IQGAP1: variants seen among roughly 807,000 people sequenced by gnomAD.
IQGAP1 encodes the protein ras GTPase-activating-like protein IQGAP1.
Under a neutral mutation model 215.6 loss-of-function variants are expected in IQGAP1, and 66 were observed. That is an observed-to-expected ratio of 0.31 (90% CI 0.25 to 0.38). IQGAP1 has a LOEUF of 0.38. IQGAP1 is among the 10% of genes least tolerant of loss of function. The pLI is 1.00. For missense variants in IQGAP1, 1,712 were observed against 1,997.1 expected, an observed-to-expected ratio of 0.86 and a Z score of 2.72; for synonymous variants, 772 against 728.7, an observed-to-expected ratio of 1.06 and a Z score of -0.96.
chr15:90,473,643 A>G (rs980271607), intron 19 of IQGAP1, 72 bp from the exon 20 acceptor site: 1 of 1,111,408 alleles, frequency 9.0e-7, no homozygotes. Context: ...ATGTATCAAG[A>G]TGAAAGTTTT....
rs111652842 is a variant in IQGAP1 at position 90,477,893 on chromosome 15, T to C, written c.3329+4T>C. 2.6e-5 allele frequency: 40 copies of C among 1,564,176 alleles called. 2 individuals carry two copies. The highest frequency in any genetic ancestry group is 2.2e-4 in the African/African-American group (16 of 73,968). On this transcript the variant is annotated splice_donor_region_variant and intron_variant, in intron 26 of 37. Coordinates refer to ENST00000268182, the MANE Select transcript of IQGAP1 (RefSeq NM_003870.4). ...AGTCTCAGACAGGAGAGGCAAGGTA[T>C]GTTAACCATAATGACACTTTTCTTT...
intron 15 of IQGAP1, among the ~76,000 whole-genome samples, chr15:90,462,146 C>T (rs929585411): frequency 2.0e-5 from 3 of 152,014 alleles, no homozygotes; most frequent in Non-Finnish European, 4.4e-5. Flanking sequence ...CCAGTCTGGG[C>T]GACAGAGCGA....
At chr15:90,433,128 G>C (rs1452872606) in intron 4 of IQGAP1, among the ~76,000 whole-genome samples, 2 of 152,188 alleles carry the variant, frequency 1.3e-5, no homozygotes, top group Non-Finnish European at 2.9e-5. Context: ...CCGTGGAAAA[G>C]TACTTGTCTT....
At chr15:90,495,637 TTCTTTTTCTTCTTC>T (rs1966261464) in intron 36 of IQGAP1, among the ~76,000 whole-genome samples, 1 of 147,028 alleles carries the variant, frequency 6.8e-6, no homozygotes, top group African/African-American at 2.5e-5. Flanking sequence ...TTTCTTCTTC[TTCTTTTTCTTCTTC>T]TTTTTTTTTT....
intron 7 of IQGAP1, 128 bp downstream of exon 7, chr15:90,440,743 A>T (rs1043640207): frequency 3.1e-5 from 19 of 620,708 alleles, no homozygotes; most frequent in Non-Finnish European, 5.5e-5. Flanking sequence ...ATGTAGTTGT[A>T]AACACATAGT....
intron 2 of IQGAP1, among the ~76,000 whole-genome samples, chr15:90,407,516 A>G (rs1445053289): frequency 6.6e-6 from 1 of 152,216 alleles, no homozygotes; most frequent in Non-Finnish European, 1.5e-5. Flanking sequence ...ATATAACAAT[A>G]AGAAATTTCC....
chr15:90,492,409 A>G, intron 34 of IQGAP1, 136 bp from the exon 35 acceptor site: 2 of 651,424 alleles, frequency 3.1e-6, no homozygotes, highest in Non-Finnish European at 2.4e-6. Flanking sequence ...AGCCTGGGCA[A>G]CAGAGTGTCT....
intron 5 of IQGAP1, among the ~76,000 whole-genome samples, chr15:90,435,078 G>T (rs73476901): frequency 0.019 from 2,933 of 152,272 alleles, 75 homozygotes; most frequent in African/African-American, 0.067. Context: ...GAGCAAACAT[G>T]TACTAGATCT....
At position 90,428,792 on chromosome 15, in the gene IQGAP1, G is replaced by GA. The variant is rs1965262454; in HGVS notation, c.313-797_313-796insA. ...AGCCTGGACAACAAAGTGGAGCCCT[G>GA]TTTCAAAAAAAAGCAGACATTGAAG... On this transcript the variant is annotated intron_variant, in intron 3 of 37. Transcript: ENST00000268182. Among the ~76,000 whole-genome samples, 5 of 152,064 alleles carry GA rather than the reference G, an allele frequency of 3.3e-5. No homozygotes were observed. The South Asian group carries it at 1.0e-3, about 32-fold the overall frequency.
intron 2 of IQGAP1, among the ~76,000 whole-genome samples, chr15:90,392,371 A>T (rs1459411640): frequency 1.3e-5 from 2 of 152,232 alleles, no homozygotes; most frequent in South Asian, 4.1e-4. Flanking sequence ...AAAAACTGTA[A>T]GATCTCTGCC....
chr15:90,476,600 C>T, intron 23 of IQGAP1, 63 bp from the exon 24 acceptor site: 1 of 1,319,804 alleles, frequency 7.6e-7, no homozygotes, highest in Non-Finnish European at 1.0e-6. Flanking sequence ...CAAAACCTTT[C>T]CTCAATGCCC....
In IQGAP1 at chr15:90,452,433, A is replaced by C. The variant is rs141699293; in HGVS notation, c.1163-342A>C. Among the ~76,000 whole-genome samples the C allele has an allele frequency of 5.9e-3, 894 of 152,318 alleles. 4 individuals are homozygous for C. The highest frequency in any genetic ancestry group is 9.5e-3 in the Non-Finnish European group (643 of 68,012). ...GGTGGAAAGATTGTAGAAAGCTTTG[A>C]ATGGTAGCTTAAGAAGCCAGGCAGT... On this transcript the variant is annotated intron_variant, in intron 11 of 37. Transcript: ENST00000268182.
In IQGAP1 at chr15:90,484,271, T is replaced by A; in HGVS notation, c.3840T>A (p.Asn1280Lys). ...TCCCAGAGCTTCAGGATAAATTTAA[T>A]GTGGATGAGTACTCTGATTTAGTAA... is the stretch of plus-strand genomic sequence containing the variant. ...CDVPELQDKF[N>K]VDEYSDLVTL... The change falls in exon 30 of 38, where the codon AAT becomes AAA. Residue 1280 changes from asparagine (N) to lysine (K), a missense_variant. By Grantham distance (94) the Asn-to-Lys change is moderately conservative. This residue lies in a region of IQGAP1 where 691 missense variants were observed against 923.0 expected (regional missense o/e 0.75). Coordinates refer to ENST00000268182, the MANE Select transcript of IQGAP1 (RefSeq NM_003870.4). 6.2e-7 allele frequency: 1 copy of A among 1,613,712 alleles called. No individual in the cohort carries two copies.
Position 90,467,517 on chromosome 15 carries a change from G to A in IQGAP1, c.2103G>A (p.Glu701=). Residue 701 remains glutamate, a synonymous_variant, in exon 18 of 38, where the codon GAG becomes GAA. Coordinates refer to ENST00000268182, the MANE Select transcript of IQGAP1 (RefSeq NM_003870.4). ...GATATTATTATTACCACAATCTGGA[G>A]ACCCAGGAAGGAGGATGGGATGAAC... ...KGGYYYYHNL[E]TQEGGWDEPP... is the part of the protein sequence containing the mutation. 2 of 1,613,098 alleles carry A rather than the reference G, an allele frequency of 1.2e-6. No individual in the cohort carries two copies. Among genetic ancestry groups the A allele is most frequent in the Non-Finnish European group, 8.5e-7 (1 of 1,179,548 alleles).
chr15:90,422,592 TTAA>T (rs1443190210), intron 2 of IQGAP1, among the ~76,000 whole-genome samples: 2 of 139,920 alleles, frequency 1.4e-5, no homozygotes, highest in Non-Finnish European at 1.5e-5. Flanking sequence ...TCAGAAATGT[TTAA>T]TAATTGTCTC....
intron 3 of IQGAP1, among the ~76,000 whole-genome samples, chr15:90,427,806 C>G (rs1965246613): frequency 6.6e-6 from 1 of 152,056 alleles, no homozygotes; most frequent in South Asian, 2.1e-4. Context: ...CCTGTGAATC[C>G]TTATTTGAAA....
chr15:90,448,765 G>A (rs1200933811), intron 10 of IQGAP1, 29 bp downstream of exon 10: 1 of 1,500,798 alleles, frequency 6.7e-7, no homozygotes, highest in Non-Finnish European at 8.9e-7. Context: ...GAAGCTGCAA[G>A]AGTTTGTATA....
chr15:90,491,372 C>T lies in IQGAP1; in HGVS notation c.4288C>T (p.Arg1430Cys), dbSNP rs761739950. ...GAGAGCCATGCAGAGACGTGCTATC[C>T]GTGATGCCAAAACACCTGACAAGAT... ...HQRAMQRRAI[R>C]DAKTPDKMKK... The change falls in exon 34 of 38, where the codon CGT (arginine) becomes TGT (cysteine). Residue 1430 changes from arginine (R) to cysteine (C), a missense_variant. Transcript: ENST00000268182. 1.1e-5 allele frequency: 18 copies of T among 1,614,070 alleles called. No individual in the cohort carries two copies. The highest frequency in any genetic ancestry group is 1.1e-5 in the South Asian group (1 of 91,078).
At chr15:90,458,405 C>T (rs1178896260) in intron 15 of IQGAP1, among the ~76,000 whole-genome samples, 2 of 152,162 alleles carry the variant, frequency 1.3e-5, no homozygotes, top group African/African-American at 4.8e-5. Context: ...GTTGTATCTT[C>T]AATCTACTTC....
Sources: allele counts gnomAD v4.1 joint callset (sites outside exome capture counted in the v4.1 genomes callset), GRCh38; gene constraint gnomAD v4.1.1; regional missense constraint gnomAD v4.1.1; transcripts MANE v1.5; gene names NCBI Gene and HGNC (gene_info 2026-07-23, HGNC 2026-07-21).